PLEKHH2: variants seen among roughly 807,000 people sequenced by gnomAD.
The protein encoded by PLEKHH2 is pleckstrin homology domain-containing family H member 2.
A neutral mutation model predicts 187.9 loss-of-function variants in PLEKHH2; 129 were observed. The observed-to-expected ratio is 0.69, with a 90% CI of 0.59 to 0.79. The LOEUF (loss-of-function observed/expected upper bound fraction) is 0.79, where lower values mean the gene tolerates loss of function less well. PLEKHH2 is among the 30% of genes least tolerant of loss of function. The probability of loss-of-function intolerance (pLI) is 0.00; values close to 1 mark genes in which losing one functional copy is unlikely to be tolerated. For synonymous variants in PLEKHH2, 686 were observed against 605.6 expected (o/e 1.13, Z -1.95); for missense variants, 2,076 against 1,751.2 (o/e 1.19, Z -3.31).
intron 3 of PLEKHH2, chr2:43,681,497 A>G: frequency 6.5e-7 from 1 of 1,544,584 alleles, no homozygotes; most frequent in Admixed American, 2.0e-5. Context: ...CCTGGGCATC[A>G]ACGTTATCTT....
chr2:43,670,654 T>G (rs998606285), intron 2 of PLEKHH2, among the ~76,000 whole-genome samples: 1 of 152,086 alleles, frequency 6.6e-6, no homozygotes, highest in African/African-American at 2.4e-5. Context: ...CTTAGGCTAT[T>G]CTAGGTCCTG....
At chr2:43,649,789 TG>T (rs1183862638) in intron 2 of PLEKHH2, among the ~76,000 whole-genome samples, 3 of 152,142 alleles carry the variant, frequency 2.0e-5, no homozygotes, top group Admixed American at 6.6e-5. Context: ...ATGGGGTCTG[TG>T]GGGGAAAAGT....
At chr2:43,659,221 G>A (rs951470416) in intron 2 of PLEKHH2, among the ~76,000 whole-genome samples, 1 of 151,156 alleles carries the variant, frequency 6.6e-6, no homozygotes, top group Admixed American at 6.6e-5. Flanking sequence ...TCAAACTCCT[G>A]GGCTCAAGCC....
intron 19 of PLEKHH2, among the ~76,000 whole-genome samples, chr2:43,734,565 A>G (rs1314760963): frequency 1.3e-5 from 2 of 152,234 alleles, no homozygotes; most frequent in Non-Finnish European, 2.9e-5. Context: ...ATCTCACCCC[A>G]GTTAAAATGG....
Position 43,683,297 on chromosome 2 carries a change from G to A in PLEKHH2, c.186+4372G>A, listed in dbSNP as rs112476184. ...AGTAGCTGGGATTACAGGCATCCAC[G>A]CCTAGCTCATTTTGTATTTTTAGTA... On this transcript the variant is annotated intron_variant, in intron 3 of 29. Coordinates refer to ENST00000282406, the MANE Select transcript of PLEKHH2 (RefSeq NM_172069.4). Among the ~76,000 whole-genome samples the A allele has an allele frequency of 1.6e-3, 249 of 151,672 alleles. 1 individual carries two copies. The highest frequency in any genetic ancestry group is 0.01 in the Middle Eastern group (3 of 294).
chr2:43,753,870 T>C, intron 25 of PLEKHH2, 110 bp downstream of exon 25: 2 of 983,102 alleles, frequency 2.0e-6, no homozygotes, highest in Non-Finnish European at 2.8e-6. Context: ...TTCGTTTTGC[T>C]ACAATTAGCA....
rs761931305 is a variant in PLEKHH2, at chr2:43,697,263, C to G, written c.595C>G (p.Arg199Gly). The G allele has an allele frequency of 6.2e-6, 10 of 1,613,618 alleles. No individual in the cohort carries two copies. The East Asian group carries it at 6.7e-5, about 11-fold the overall frequency. Residue 199 changes from arginine to glycine, a missense_variant, in exon 7 of 30, where the codon CGA (arginine) becomes GGA (glycine). By Grantham distance (125) the Arg-to-Gly change is moderately radical (BLOSUM62 -2). Transcript: ENST00000282406. ...TTTGACCTTTGGGTGCTTTTTATCT[C>G]GAGCAAGGAGTCCTCCTCAAGTAGT... Reference protein sequence around the residue: ...SSLTFGCFLSRARSPPQVVKS... With the variant: ...SSLTFGCFLSGARSPPQVVKS...
chr2:43,714,439 G>A (rs1275988229), intron 15 of PLEKHH2, among the ~76,000 whole-genome samples: 1 of 152,100 alleles, frequency 6.6e-6, no homozygotes, highest in Non-Finnish European at 1.5e-5. Flanking sequence ...AGAACCTTAT[G>A]AGAGAACAGC....
intron 19 of PLEKHH2, among the ~76,000 whole-genome samples, chr2:43,733,524 T>G (rs1671148239): frequency 6.6e-6 from 1 of 152,170 alleles, no homozygotes; most frequent in Non-Finnish European, 1.5e-5. Context: ...CTCCATCTCT[T>G]TCTTTTGGCT....
rs542724449 is a variant in PLEKHH2, at chr2:43,738,562, T to G, written c.3123+42T>G. The G allele has an allele frequency of 2.6e-5, 38 of 1,452,572 alleles. 1 individual carries two copies. In the South Asian group the frequency reaches 3.4e-4, roughly 13 times the overall value. 90.0% of individuals were successfully genotyped at this position (1,452,572 alleles called of 1,614,324 possible). A position where few individuals can be genotyped will look rare whatever the true frequency, so the allele number is the denominator to read the frequency against. ...ATACATATACATGCAATTTAAAGTG[T>G]TTTTTTTTCTGATTGTAAGAATGAT... is the stretch of plus-strand genomic sequence containing the variant. On this transcript the variant is annotated intron_variant, in intron 20 of 29. Transcript: ENST00000282406.
intron 1 of PLEKHH2, among the ~76,000 whole-genome samples, chr2:43,641,395 G>A (rs2163651): frequency 0.58 from 88,413 of 151,958 alleles, 26,250 homozygotes; most frequent in Middle Eastern, 0.68. Context: ...TAGAGCAAGC[G>A]TGTCCAACCT....
At chr2:43,703,935 TTTTTTTGC>T in intron 8 of PLEKHH2, 38 bp from the exon 9 acceptor site, 6 of 629,870 alleles carry the variant, frequency 9.5e-6, no homozygotes, top group South Asian at 2.3e-5. Flanking sequence ...TTTTTTTTTT[TTTTTTTGC>T]TTTAAATACC....
intron 3 of PLEKHH2, chr2:43,681,253 C>T: frequency 1.5e-6 from 1 of 662,622 alleles, no homozygotes; most frequent in Non-Finnish European, 2.6e-6. Flanking sequence ...CAATTACAAT[C>T]CTCCTGTGGA....
rs1003174305 is a variant in PLEKHH2, at chr2:43,744,524, A to G, written c.3555+535A>G. Among the ~76,000 whole-genome samples the G allele has an allele frequency of 2.6e-5, 4 of 152,216 alleles. No individual in the cohort carries two copies. The South Asian group carries it at 8.3e-4, about 32-fold the overall frequency. ...GCACAGAAAGAGAGAGTTTAAGTTC[A>G]GCATTGGGAGTTAGGGAAGGCCTGA... On this transcript the variant is annotated intron_variant, in intron 23 of 29. Coordinates refer to ENST00000282406, the MANE Select transcript of PLEKHH2 (RefSeq NM_172069.4).
chr2:43,700,385 T>G lies in PLEKHH2; in HGVS notation c.1427T>G (p.Ile476Arg). 6.2e-7 allele frequency: 1 copy of G among 1,614,132 alleles called. No individual in the cohort carries two copies. Reference sequence around the variant, plus strand: ...ATGTTTGGTACAAATAGAAACGCTATAAGCATGATACGACCACTGAGACCT... The same window carrying G: ...ATGTTTGGTACAAATAGAAACGCTAGAAGCATGATACGACCACTGAGACCT... ...DRMFGTNRNA[I>R]SMIRPLRPQE... Residue 476 changes from isoleucine (I) to arginine (R), a missense_variant, in exon 8 of 30, where the codon ATA becomes AGA. Ile to Arg is a moderately conservative substitution (Grantham distance 97). Transcript: ENST00000282406.
intron 14 of PLEKHH2, chr2:43,711,546 A>G: frequency 1.0e-6 from 1 of 965,118 alleles, no homozygotes; most frequent in Non-Finnish European, 1.2e-6. Flanking sequence ...TTTAGTTGCT[A>G]AAACTATGCT....
chr2:43,690,190 T>C (rs1383377411), intron 3 of PLEKHH2, among the ~76,000 whole-genome samples: 1 of 152,260 alleles, frequency 6.6e-6, no homozygotes, highest in Non-Finnish European at 1.5e-5. Flanking sequence ...CTGTCCTGCT[T>C]GGGCAGTTTT....
chr2:43,727,733 G>C (rs1670834970), intron 17 of PLEKHH2, among the ~76,000 whole-genome samples: 1 of 152,172 alleles, frequency 6.6e-6, no homozygotes, highest in Non-Finnish European at 1.5e-5. Context: ...TAGATGGAAA[G>C]ACTGAAGCAC....
At chr2:43,704,091 C>T in intron 9 of PLEKHH2, 35 bp downstream of exon 9, 1 of 1,423,998 alleles carries the variant, frequency 7.0e-7, no homozygotes, top group Non-Finnish European at 9.9e-7. Context: ...CTGGATGAAC[C>T]TTGAGGACTT....
Sources: allele counts gnomAD v4.1 joint callset (sites outside exome capture counted in the v4.1 genomes callset), GRCh38; gene constraint gnomAD v4.1.1; transcripts MANE v1.5; gene names NCBI Gene and HGNC (gene_info 2026-07-23, HGNC 2026-07-21).